Variants in RFPL4A observed in about 807,000 individuals in gnomAD.
RFPL4A encodes the protein ret finger protein like 4A, also known as ret finger protein-like 4A.
Under a neutral mutation model 8.3 loss-of-function variants are expected in RFPL4A, and 4 were observed. The ratio of observed to expected loss-of-function variants is 0.48; its 90% CI spans 0.24 to 1.10. The LOEUF is 1.10. Among genes scored for constraint, RFPL4A ranks in the 50% least tolerant of loss-of-function variants. The pLI is 0.18. For synonymous variants in RFPL4A, 43 were observed against 136.6 expected (o/e 0.31, Z 4.78); for missense variants, 111 against 358.7 (o/e 0.31, Z 5.58).
At chr19:55,759,993 C>CTG (rs1989250088) in intron 1 of RFPL4A, among the ~76,000 whole-genome samples, 1 of 151,734 alleles carries the variant, frequency 6.6e-6, no homozygotes, top group Admixed American at 6.6e-5. Context: ...GTGAATAACG[C>CTG]TGCAGAGAAC....
chr19:55,762,147 C>T lies in RFPL4A; in HGVS notation c.286+61C>T, dbSNP rs2122395099. On this transcript the variant is annotated intron_variant, in intron 2 of 2. Coordinates refer to ENST00000434937, the MANE Select transcript of RFPL4A (RefSeq NM_001145014.2). ...AGGCACTGGGAAAATGTCTTTCAAA[C>T]ATTTCTTCATTAAACATAGGCATTA... is the stretch of plus-strand genomic sequence containing the variant. 9 of 1,524,120 alleles carry T rather than the reference C, an allele frequency of 5.9e-6. 2 individuals carry two copies. The highest frequency in any genetic ancestry group is 1.4e-5 in the African/African-American group (1 of 70,832). The allele number at this position is 1,524,120 out of a possible 1,614,324, so 94.4% of individuals were successfully genotyped here. A position where few individuals can be genotyped will look rare whatever the true frequency, so the allele number is the denominator to read the frequency against.
In RFPL4A at chr19:55,760,028, C is replaced by T. The variant is rs544121506; in HGVS notation, c.-10+853C>T. On this transcript the variant is annotated intron_variant, in intron 1 of 2. Coordinates refer to ENST00000434937, the MANE Select transcript of RFPL4A (RefSeq NM_001145014.2). ...CCTAAGAGTGCAGATGTCTCTTTGACATGCTGACTTCTTTCTTTCACGTAG... is the reference window on the plus strand; with the variant it reads ...CCTAAGAGTGCAGATGTCTCTTTGATATGCTGACTTCTTTCTTTCACGTAG... Among the ~76,000 whole-genome samples, 389 of 151,728 alleles carry T rather than the reference C, an allele frequency of 2.6e-3. 1 individual carries two copies. The highest frequency in any genetic ancestry group is 9.0e-3 in the African/African-American group (370 of 41,290).
intron 1 of RFPL4A, among the ~76,000 whole-genome samples, chr19:55,759,459 G>A (rs1219693456): frequency 2.0e-5 from 3 of 151,636 alleles, no homozygotes; most frequent in African/African-American, 4.9e-5. Context: ...GTTACTCAAC[G>A]TCAGGTTTTC....
intron 1 of RFPL4A, among the ~76,000 whole-genome samples, chr19:55,760,009 A>T (rs1989250316): frequency 6.6e-6 from 1 of 151,694 alleles, no homozygotes; most frequent in African/African-American, 2.4e-5. Flanking sequence ...AGAACCTAAG[A>T]GTGCAGATGT....
chr19:55,757,796 C>A (rs28455828), upstream of RFPL4A, among the ~76,000 whole-genome samples: 4,425 of 147,386 alleles, frequency 0.03, 128 homozygotes, highest in East Asian at 0.15. Context: ...TTTTGGGAGA[C>A]TATTAGAGAG....
chr19:55,761,723 C>G, intron 1 of RFPL4A, 69 bp from the exon 2 acceptor site: 3 of 1,451,418 alleles, frequency 2.1e-6, no homozygotes, highest in Non-Finnish European at 2.8e-6. Flanking sequence ...AAGATAAAAG[C>G]CCCAAACACT....
Position 55,760,808 on chromosome 19 carries a change from T to G in RFPL4A, c.-9-984T>G, listed in dbSNP as rs1442133940. ...TATGTGAAAATGTCACTGGATACGT[T>G]CTCGATTCTCTTGTGACCACACAGT... On this transcript the variant is annotated intron_variant, in intron 1 of 2. Coordinates refer to ENST00000434937, the MANE Select transcript of RFPL4A (RefSeq NM_001145014.2). 4.6e-5 allele frequency among the ~76,000 whole-genome samples: 7 copies of G among 151,538 alleles called. 1 individual carries two copies. The highest frequency in any genetic ancestry group is 1.5e-4 in the African/African-American group (6 of 41,128).
upstream of RFPL4A, chr19:55,758,870 ATAGGCAT>A (rs1989226921): frequency 6.6e-6 from 1 of 150,828 alleles, no homozygotes; most frequent in Non-Finnish European, 1.5e-5. Context: ...ATTTTAACCA[ATAGGCAT>A]AATATTCAAG....
At chr19:55,760,694 G>T (rs1175259220) in intron 1 of RFPL4A, among the ~76,000 whole-genome samples, 1 of 151,506 alleles carries the variant, frequency 6.6e-6, no homozygotes, top group Non-Finnish European at 1.5e-5. Flanking sequence ...ACTCCCTCCG[G>T]TTTTTTATCA....
chr19:55,759,342 C>G (rs963061551), intron 1 of RFPL4A, among the ~76,000 whole-genome samples, 167 bp downstream of exon 1: 3 of 152,046 alleles, frequency 2.0e-5, no homozygotes, highest in Non-Finnish European at 4.4e-5. Context: ...TTAGGTAAGT[C>G]TTAGATTTTC....
intron 1 of RFPL4A, among the ~76,000 whole-genome samples, chr19:55,759,591 A>T (rs1454354467): frequency 1.3e-5 from 2 of 151,534 alleles, no homozygotes; most frequent in African/African-American, 4.9e-5. Context: ...TCAGAAAGAG[A>T]AAGGGAAGGA....
Position 55,762,030 on chromosome 19 carries a change from T to A in RFPL4A, c.230T>A (p.Leu77Gln). ...GCGCTGGTTTCCATCATCAAGGAACTAGAGCCCAAGCTGAAATCTGTTCTA... is the reference window on the plus strand; with the variant it reads ...GCGCTGGTTTCCATCATCAAGGAACAAGAGCCCAAGCTGAAATCTGTTCTA... The part of the protein sequence containing the change: ...LRALVSIIKE[L>Q]EPKLKSVLTM... Residue 77 changes from leucine (L) to glutamine (Q), a missense_variant, in exon 2 of 3, where the codon CTA (leucine) becomes CAA (glutamine). Leu to Gln is a moderately radical substitution (Grantham distance 113). Transcript: ENST00000434937. 2.7e-6 allele frequency: 4 copies of A among 1,503,576 alleles called. No homozygotes were observed. 93.1% of individuals were successfully genotyped at this position (1,503,576 alleles called of 1,614,324 possible). A position where few individuals can be genotyped will look rare whatever the true frequency, so the allele number is the denominator to read the frequency against.
chr19:55,757,741 C>T (rs1989199781), upstream of RFPL4A, among the ~76,000 whole-genome samples: 1 of 152,086 alleles, frequency 6.6e-6, no homozygotes, highest in South Asian at 2.1e-4. Flanking sequence ...GGAAGAACTC[C>T]TCTCCCAAGA....
At chr19:55,761,100 T>C (rs1313936412) in intron 1 of RFPL4A, among the ~76,000 whole-genome samples, 4 of 138,036 alleles carry the variant, frequency 2.9e-5, no homozygotes, top group East Asian at 4.0e-4. Context: ...TTTTTTTTTT[T>C]CCGCTATGCA....
rs532444642 is a variant in RFPL4A, at chr19:55,762,253, CTG to C, written c.286+170_286+171del. Among the ~76,000 whole-genome samples the C allele has an allele frequency of 1.8e-3, 267 of 150,692 alleles. 10 individuals carry two copies. The highest frequency in any genetic ancestry group is 6.4e-3 in the African/African-American group (260 of 40,362). On this transcript the variant is annotated intron_variant, in intron 2 of 2. Transcript: ENST00000434937. ...CTTTGCGTAGAGATTTTCATGGAAT[CTG>C]TGCAAGTTTGTAGAATACTTTGGAG...
At chr19:55,760,891 C>T (rs1180579158) in intron 1 of RFPL4A, among the ~76,000 whole-genome samples, 1 of 151,300 alleles carries the variant, frequency 6.6e-6, no homozygotes, top group Non-Finnish European at 1.5e-5. Flanking sequence ...GAGCTTGTTC[C>T]TCAGTACTTG....
At chr19:55,757,552 T>C (rs913028794), upstream of RFPL4A, among the ~76,000 whole-genome samples, 10 of 151,792 alleles carry the variant, frequency 6.6e-5, no homozygotes, top group Non-Finnish European at 1.5e-4. Flanking sequence ...AGAAGACCCC[T>C]AAAGTACTGA....
intron 1 of RFPL4A, among the ~76,000 whole-genome samples, chr19:55,760,932 T>A (rs1283552288): frequency 1.3e-5 from 2 of 151,088 alleles, no homozygotes; most frequent in Non-Finnish European, 2.9e-5. Context: ...TTCAGAGAAA[T>A]ATCTATTCAG....
In RFPL4A at chr19:55,763,362, G is replaced by A. The variant is rs1322870556; in HGVS notation, c.*187G>A. Among the ~76,000 whole-genome samples the A allele has an allele frequency of 6.7e-6, 1 of 149,598 alleles. No homozygotes were observed. The highest frequency in any genetic ancestry group is 2.1e-4 in the South Asian group (1 of 4,802). On this transcript the variant is annotated 3_prime_UTR_variant, in exon 3 of 3. Coordinates refer to ENST00000434937, the MANE Select transcript of RFPL4A (RefSeq NM_001145014.2). ...TTACATTGTACTTAAAGTTTGTCAT[G>A]TTGTTTTCTTTGGGGCTTATGTTTA...
Sources: gnomAD v4.1 joint callset for allele counts (sites outside exome capture counted in the v4.1 genomes callset) on GRCh38, gnomAD v4.1.1 for gene constraint, MANE v1.5 for transcripts, NCBI Gene and HGNC (gene_info 2026-07-23, HGNC 2026-07-21) for gene names.